Variants in TNRC6B observed in about 807,000 individuals in gnomAD.
TNRC6B encodes trinucleotide repeat containing adaptor 6B.
TNRC6B carries 52 observed loss-of-function variants against 203.6 expected under a neutral mutation model. The observed-to-expected ratio is 0.26, with a 90% confidence interval of 0.20 to 0.32. The LOEUF (loss-of-function observed/expected upper bound fraction) is 0.32. Among genes scored for constraint, TNRC6B ranks in the 10% least tolerant of loss-of-function variants. TNRC6B has a pLI of 1.00. For missense variants in TNRC6B, 1,923 were observed against 2,286.2 expected (o/e 0.84, Z 3.24); for synonymous variants, 838 against 845.7 (o/e 0.99, Z 0.16).
intron 1 of TNRC6B, among the ~76,000 whole-genome samples, chr22:40,068,642 G>T (rs905311802): frequency 6.6e-6 from 1 of 151,972 alleles, no homozygotes; most frequent in African/African-American, 2.4e-5. Flanking sequence ...TTATCTGGAT[G>T]TTCTTGTTTA....
chr22:40,174,134 T>C (rs1025151437), upstream of TNRC6B, among the ~76,000 whole-genome samples: 2 of 151,688 alleles, frequency 1.3e-5, no homozygotes, highest in Non-Finnish European at 2.9e-5. Flanking sequence ...CTCAGTTCAG[T>C]TATTTTTCAA....
chr22:40,248,042 C>T (rs1334282749), intron 2 of TNRC6B, among the ~76,000 whole-genome samples: 1 of 151,524 alleles, frequency 6.6e-6, no homozygotes, highest in Non-Finnish European at 1.5e-5. Flanking sequence ...ACCACTGCAC[C>T]CCAGCCTGGG....
chr22:40,073,141 G>GTT (rs554246963), intron 1 of TNRC6B, among the ~76,000 whole-genome samples: 59 of 108,660 alleles, frequency 5.4e-4, no homozygotes, highest in Admixed American at 1.0e-3. Context: ...TAGGGCCTTG[G>GTT]TTTTTTTTTT....
At chr22:40,171,817 C>T (rs961853110) in intron 4 of TNRC6B, among the ~76,000 whole-genome samples, 1 of 152,072 alleles carries the variant, frequency 6.6e-6, no homozygotes, top group African/African-American at 2.4e-5. Context: ...TCCTAGCCTC[C>T]TGATCATTTC....
chr22:40,149,125 C>T (rs556066532), intron 3 of TNRC6B, among the ~76,000 whole-genome samples: 82 of 152,302 alleles, frequency 5.4e-4, no homozygotes, highest in South Asian at 1.0e-3. Flanking sequence ...CGAAACAACT[C>T]AAACACCCAT....
chr22:40,253,248 A>ATT lies in TNRC6B; in HGVS notation c.115+2062_115+2063dup, dbSNP rs747179821. On this transcript the variant is annotated intron_variant, in intron 3 of 22. Transcript: ENST00000454349. ...AGGCACCCGCCACCATGCCCGGCTA[A>ATT]TTTTTTTTTTTTTTTGTATTTTTAG... Among the ~76,000 whole-genome samples the ATT allele has an allele frequency of 5.4e-3, 745 of 138,386 alleles. 8 individuals are homozygous for ATT. The highest frequency in any genetic ancestry group is 0.018 in the African/African-American group (677 of 37,842). 90.8% of individuals were successfully genotyped at this position (138,386 alleles called of 152,430 possible).
At chr22:40,246,684 C>T (rs182968783) in intron 2 of TNRC6B, among the ~76,000 whole-genome samples, 6 of 152,234 alleles carry the variant, frequency 3.9e-5, no homozygotes, top group East Asian at 1.9e-4. Context: ...CAACTCTTGT[C>T]GTATTTCCTT....
Position 40,310,893 on chromosome 22 carries a change from G to A in TNRC6B, c.4335G>A (p.Leu1445=), listed in dbSNP as rs777266506. Residue 1445 remains leucine, a synonymous_variant, in exon 17 of 23, where the codon CTG becomes CTA. Coordinates refer to ENST00000454349, the MANE Select transcript of TNRC6B (RefSeq NM_001162501.2). ...NQFDIIPGDT[L]GGHTGPAGDS... ...TTGATATCATCCCTGGTGACACACT[G>A]GGTGGCCATACGGGTCCTGCTGGTG... is the stretch of plus-strand genomic sequence containing the variant. 22 of 1,612,154 alleles carry A rather than the reference G, an allele frequency of 1.4e-5. No individual in the cohort carries two copies. The East Asian group carries it at 4.5e-4, about 33-fold the overall frequency.
chr22:40,132,945 A>AAAATAAAAAATT (rs1293411636), intron 3 of TNRC6B, among the ~76,000 whole-genome samples: 2 of 13,482 alleles, frequency 1.5e-4, no homozygotes, highest in African/African-American at 3.2e-4. Flanking sequence ...CTCTGTCTCA[A>AAAATAAAAAATT]AAAAAAAAAA....
chr22:40,164,372 A>G (rs2068898583), intron 4 of TNRC6B, among the ~76,000 whole-genome samples: 1 of 132,550 alleles, frequency 7.5e-6, no homozygotes, highest in Non-Finnish European at 1.6e-5. Flanking sequence ...TGGGCGACAG[A>G]GTGAGACTCT....
At chr22:40,225,104 C>G (rs1047384729) in intron 1 of TNRC6B, among the ~76,000 whole-genome samples, 1 of 152,172 alleles carries the variant, frequency 6.6e-6, no homozygotes, top group African/African-American at 2.4e-5. Context: ...TTGTAGTGTC[C>G]AAGATACATA....
intron 21 of TNRC6B, among the ~76,000 whole-genome samples, chr22:40,318,245 CAGCTCAA>C (rs1174230824): frequency 6.6e-6 from 1 of 152,094 alleles, no homozygotes; most frequent in Non-Finnish European, 1.5e-5. Context: ...CTAATCAACT[CAGCTCAA>C]AGTTCCAAGT....
chr22:40,169,384 C>A (rs866218087), intron 4 of TNRC6B, among the ~76,000 whole-genome samples: 1 of 152,082 alleles, frequency 6.6e-6, no homozygotes, highest in Non-Finnish European at 1.5e-5. Context: ...CCCACCTCGG[C>A]CTTCCAAAGT....
chr22:40,046,958 C>G (rs1286735630), intron 1 of TNRC6B, among the ~76,000 whole-genome samples: 1 of 152,050 alleles, frequency 6.6e-6, no homozygotes, highest in African/African-American at 2.4e-5. Flanking sequence ...AAAATGTTTT[C>G]AAGTCGGAGC....
chr22:40,178,256 C>T, intron 1 of TNRC6B, 116 bp downstream of exon 1: 1 of 1,221,064 alleles, frequency 8.2e-7, no homozygotes, highest in East Asian at 2.3e-5. Flanking sequence ...TGGCTTCAGA[C>T]ATTTCGTGGA....
chr22:40,334,930 C>G lies in TNRC6B; in HGVS notation c.*11689C>G, dbSNP rs1448946712. The G allele has an allele frequency of 2.0e-5, 3 of 152,546 alleles. No homozygotes were observed. The highest frequency in any genetic ancestry group is 7.2e-5 in the African/African-American group (3 of 41,414). The allele number at this position is 152,546 out of a possible 1,614,324, so 9.4% of individuals were successfully genotyped here. A position where few individuals can be genotyped will look rare whatever the true frequency, so the allele number is the denominator to read the frequency against. ...GGTAACAGGAAGGTACAGCAAAAAT[C>G]CTCTCATCTGAAACACTGTCAGCAG... is the stretch of plus-strand genomic sequence containing the variant. On this transcript the variant is annotated 3_prime_UTR_variant, in exon 23 of 23. Coordinates refer to ENST00000454349, the MANE Select transcript of TNRC6B (RefSeq NM_001162501.2).
chr22:40,207,970 C>T (rs371558531), intron 1 of TNRC6B, among the ~76,000 whole-genome samples: 33 of 151,732 alleles, frequency 2.2e-4, no homozygotes, highest in African/African-American at 6.0e-4. Flanking sequence ...AAAAATTAGC[C>T]GGGCATGGTG....
intron 1 of TNRC6B, among the ~76,000 whole-genome samples, chr22:40,069,446 CTT>C (rs1388833440): frequency 2.0e-5 from 3 of 148,190 alleles, no homozygotes; most frequent in African/African-American, 7.5e-5. Context: ...ATTTTTCAGT[CTT>C]TAGTTTCTTT....
intron 19 of TNRC6B, among the ~76,000 whole-genome samples, chr22:40,314,191 C>T (rs5025677): frequency 0.022 from 3,401 of 152,278 alleles, 348 homozygotes; most frequent in Admixed American, 0.18. Flanking sequence ...TTCCCCACCC[C>T]CAAAAGTGTC....
Sources: gnomAD v4.1 joint callset for allele counts (sites outside exome capture counted in the v4.1 genomes callset) on GRCh38, gnomAD v4.1.1 for gene constraint, MANE v1.5 for transcripts, NCBI Gene and HGNC (gene_info 2026-07-23, HGNC 2026-07-21) for gene names.